CDC40: variants seen among roughly 807,000 people sequenced by gnomAD.
CDC40 encodes cell division cycle 40.
In CDC40, 27 loss-of-function variants were observed where a neutral mutation model predicts 80.6. The observed-to-expected ratio is 0.33, with a 90% CI of 0.25 to 0.46. The LOEUF (loss-of-function observed/expected upper bound fraction) is 0.46, where lower values mean the gene tolerates loss of function less well. CDC40 is among the 20% of genes least tolerant of loss of function. The pLI, the probability that CDC40 is intolerant of heterozygous loss-of-function variation, is 1.00. For synonymous variants in CDC40, 221 were observed against 232.6 expected (o/e 0.95, Z 0.45); for missense variants, 486 against 694.1 (o/e 0.70, Z 3.37).
intron 2 of CDC40, among the ~76,000 whole-genome samples, chr6:110,196,595 G>T (rs536729436): frequency 6.6e-6 from 1 of 152,130 alleles, no homozygotes; most frequent in South Asian, 2.1e-4. Flanking sequence ...AAAGTTAAGA[G>T]AAACAAAAAC....
rs541813607 is a variant in CDC40 at position 110,192,701 on chromosome 6, T to C, written c.190-481T>C. On this transcript the variant is annotated intron_variant, in intron 1 of 14. Transcript: ENST00000307731. ...AGTAATCTGGGGAATGAATTTAAGA[T>C]GTTTGAAATATTAACTGAGATTATA... Among the ~76,000 whole-genome samples, 6 of 152,348 alleles carry C rather than the reference T, an allele frequency of 3.9e-5. No individual in the cohort carries two copies. In the East Asian group the frequency reaches 1.2e-3, roughly 29 times the overall value.
chr6:110,217,981 T>C (rs1281326266), intron 10 of CDC40, among the ~76,000 whole-genome samples, 178 bp downstream of exon 10: 1 of 152,246 alleles, frequency 6.6e-6, no homozygotes. Flanking sequence ...GAGTAGCTCT[T>C]TCACTGTGAA....
At position 110,229,950 on chromosome 6, in the gene CDC40, A is replaced by G. The variant is rs1377361981; in HGVS notation, c.1563-4A>G. The G allele has an allele frequency of 1.4e-5, 22 of 1,583,550 alleles. No individual in the cohort carries two copies. Among genetic ancestry groups the G allele is most frequent in the South Asian group, 3.3e-5 (3 of 90,210 alleles). ...ATTTGAATTTATCTTTCTTCCCATT[A>G]TAGTTATGTGATTTCAGGAGATGGA... On this transcript the variant is annotated splice_region_variant and splice_polypyrimidine_tract_variant and intron_variant, in intron 14 of 14. Transcript: ENST00000307731.
intron 1 of CDC40, among the ~76,000 whole-genome samples, chr6:110,187,541 T>G (rs1441771468): frequency 6.6e-6 from 1 of 152,232 alleles, no homozygotes; most frequent in Non-Finnish European, 1.5e-5. Context: ...GAAGTTCTGT[T>G]CTTTTATATC....
Position 110,219,846 on chromosome 6 carries a change from TA to T in CDC40, c.1321del (p.Ser441AlafsTer2). On this transcript the variant is annotated frameshift_variant, in exon 12 of 15. Transcript: ENST00000307731. LOFTEE classifies it high-confidence loss of function. ...GGAGATTTGTGAGCACATCTGATGA[TA>T]AAAGCCTAAGAGTTTGGGAATGGTG... Reference protein sequence around the residue: ...NRRFVSTSDDKSLRVWEWDIP... With the variant: ...NRRFVSTSDDXSLRVWEWDIP... The T allele has an allele frequency of 6.2e-7, 1 of 1,614,018 alleles. No individual in the cohort carries two copies. The highest frequency in any genetic ancestry group is 8.5e-7 in the Non-Finnish European group (1 of 1,179,942).
At chr6:110,187,053 A>G (rs1370237146) in intron 1 of CDC40, among the ~76,000 whole-genome samples, 1 of 152,026 alleles carries the variant, frequency 6.6e-6, no homozygotes, top group Non-Finnish European at 1.5e-5. Flanking sequence ...ATCTCCGCTC[A>G]CTGCAAGCTC....
intron 14 of CDC40, among the ~76,000 whole-genome samples, chr6:110,229,231 C>T (rs1777904279): frequency 6.6e-6 from 1 of 152,136 alleles, no homozygotes; most frequent in Admixed American, 6.5e-5. Context: ...CCTAATAAAT[C>T]CCTGTCTATA....
At position 110,210,552 on chromosome 6, in the gene CDC40, GAAAAAAA is replaced by G. The variant is rs57785109; in HGVS notation, c.631-140_631-134del. ...GGGCGACAGTGCGAGACTCATCTCAGAAAAAAAAAAAAAAAAAAAAAGTGTTGAGCTT... is the reference window on the plus strand; with the variant it reads ...GGGCGACAGTGCGAGACTCATCTCAGAAAAAAAAAAAAAAGTGTTGAGCTT... On this transcript the variant is annotated intron_variant, in intron 5 of 14. Coordinates refer to ENST00000307731, the MANE Select transcript of CDC40 (RefSeq NM_015891.3). Among the ~76,000 whole-genome samples the G allele has an allele frequency of 5.7e-3, 369 of 64,494 alleles. 2 individuals are homozygous for G. Among genetic ancestry groups the G allele is most frequent in the African/African-American group, 0.017 (354 of 21,248 alleles). 42.3% of individuals were successfully genotyped at this position (64,494 alleles called of 152,430 possible). A position where few individuals can be genotyped will look rare whatever the true frequency, so the allele number is the denominator to read the frequency against.
At chr6:110,193,137 T>C (rs760114740) in intron 1 of CDC40, 45 bp from the exon 2 acceptor site, 2 of 1,158,930 alleles carry the variant, frequency 1.7e-6, no homozygotes, top group East Asian at 4.7e-5. Context: ...TAAAATAAAA[T>C]AGTCATTTAT....
chr6:110,226,047 T>G, intron 12 of CDC40, 120 bp from the exon 13 acceptor site: 2 of 618,580 alleles, frequency 3.2e-6, no homozygotes, highest in African/African-American at 3.7e-5. Flanking sequence ...ATGAAAGATT[T>G]ATTAAATATA....
intron 6 of CDC40, 71 bp downstream of exon 6, chr6:110,210,874 A>G (rs1003073784): frequency 1.2e-5 from 8 of 656,468 alleles, no homozygotes; most frequent in Non-Finnish European, 1.9e-5. Flanking sequence ...TGTTCATACA[A>G]TATCAATTAC....
chr6:110,213,387 GTTTTTTTGTTTTT>G (rs1252794460), intron 8 of CDC40, among the ~76,000 whole-genome samples: 1 of 147,322 alleles, frequency 6.8e-6, no homozygotes, highest in Non-Finnish European at 1.5e-5. Context: ...TTTGTTTTTT[GTTTTTTTGTTTTT>G]TTTTTTTGAG....
intron 1 of CDC40, among the ~76,000 whole-genome samples, chr6:110,185,731 C>T (rs571372895): frequency 6.6e-6 from 1 of 152,254 alleles, no homozygotes; most frequent in Admixed American, 6.5e-5. Context: ...TATAAAATTT[C>T]CGTATTTGAA....
intron 2 of CDC40, among the ~76,000 whole-genome samples, chr6:110,199,898 C>T (rs966079106): frequency 3.9e-5 from 6 of 151,948 alleles, no homozygotes; most frequent in African/African-American, 4.8e-5. Context: ...CTGACCGTAG[C>T]GGGTAGAGAA....
chr6:110,184,371 C>A (rs932215537), intron 1 of CDC40, among the ~76,000 whole-genome samples: 1 of 146,832 alleles, frequency 6.8e-6, no homozygotes, highest in African/African-American at 2.5e-5. Flanking sequence ...TTTGTTTAGG[C>A]CTTTTTTTAG....
chr6:110,227,764 A>G (rs761770518), intron 13 of CDC40, among the ~76,000 whole-genome samples: 13 of 152,218 alleles, frequency 8.5e-5, no homozygotes, highest in Non-Finnish European at 1.9e-4. Flanking sequence ...ATTATAAGTA[A>G]TCGAGAGGTG....
chr6:110,196,417 T>TAAGA lies in CDC40; in HGVS notation c.276+3150_276+3151insAGAA, dbSNP rs549075579. On this transcript the variant is annotated intron_variant, in intron 2 of 14. Transcript: ENST00000307731. ...ACATAATGGATAGAACTCGAAGACA[T>TAAGA]AGTAGCCATTGTTTTAGTCTAGTAA... Among the ~76,000 whole-genome samples, 32 of 152,334 alleles carry TAAGA rather than the reference T, an allele frequency of 2.1e-4. No homozygotes were observed. The South Asian group carries it at 5.8e-3, about 28-fold the overall frequency.
chr6:110,191,681 GT>G (rs1361337988), intron 1 of CDC40, among the ~76,000 whole-genome samples: 1 of 152,184 alleles, frequency 6.6e-6, no homozygotes, highest in Non-Finnish European at 1.5e-5. Flanking sequence ...AGGCAGGATT[GT>G]TCCTTGGCCT....
At chr6:110,223,202 A>G (rs1777801477) in intron 12 of CDC40, among the ~76,000 whole-genome samples, 1 of 152,164 alleles carries the variant, frequency 6.6e-6, no homozygotes, top group Non-Finnish European at 1.5e-5. Context: ...GTCCTGCCTT[A>G]GACTCCTGAG....
Sources: gnomAD v4.1 joint callset for allele counts (sites outside exome capture counted in the v4.1 genomes callset) on GRCh38, gnomAD v4.1.1 for gene constraint, MANE v1.5 for transcripts, NCBI Gene and HGNC (gene_info 2026-07-23, HGNC 2026-07-21) for gene names.